The following LCLAT1 variants were observed in gnomAD, a reference collection of about 807,000 sequenced individuals.
LCLAT1 encodes 1-AGP acyltransferase 8.
A neutral mutation model predicts 30.7 loss-of-function variants in LCLAT1; 11 were observed. The ratio of observed to expected loss-of-function variants is 0.36; its 90% CI spans 0.23 to 0.59. The LOEUF (loss-of-function observed/expected upper bound fraction) is 0.59, where lower values mean the gene tolerates loss of function less well. Ranked by LOEUF, LCLAT1 falls within the 20% of genes least tolerant of loss-of-function variation. LCLAT1 has a pLI of 0.77. For missense variants in LCLAT1, 402 were observed against 458.6 expected, an observed-to-expected ratio of 0.88 and a Z score of 1.13; for synonymous variants, 155 against 151.3, an observed-to-expected ratio of 1.02 and a Z score of -0.18.
At chr2:30,483,994 T>C (rs1425666579) in intron 1 of LCLAT1, among the ~76,000 whole-genome samples, 2 of 152,190 alleles carry the variant, frequency 1.3e-5, no homozygotes, top group East Asian at 1.9e-4. Flanking sequence ...ATCCTATTTA[T>C]TTGTGAAATT....
chr2:30,513,109 T>A (rs1289367708), intron 1 of LCLAT1, among the ~76,000 whole-genome samples: 2 of 152,118 alleles, frequency 1.3e-5, no homozygotes, highest in Non-Finnish European at 2.9e-5. Context: ...ATTTTCAGTT[T>A]TTCTAATGAG....
In LCLAT1 at chr2:30,525,599, A is replaced by G. The variant is rs201524840; in HGVS notation, c.9A>G (p.Ser3=). Residue 3 remains serine, a synonymous_variant, in exon 2 of 6, where the codon TCA becomes TCG. Transcript: ENST00000379509. Reference sequence around the variant, plus strand: ...TTATATCTTTCAGAATCATGGTGTCATGGAAAGGGATTTACTTTATACTGA... The same window carrying G: ...TTATATCTTTCAGAATCATGGTGTCGTGGAAAGGGATTTACTTTATACTGA... MV[S]WKGIYFILTL... 4.3e-6 allele frequency: 7 copies of G among 1,613,270 alleles called. No individual in the cohort carries two copies. The highest frequency in any genetic ancestry group is 1.3e-5 in the African/African-American group (1 of 75,028).
chr2:30,453,083 G>A (rs1235139169), intron 1 of LCLAT1, among the ~76,000 whole-genome samples: 1 of 152,144 alleles, frequency 6.6e-6, no homozygotes, highest in Non-Finnish European at 1.5e-5. Flanking sequence ...AAAGGGAAGA[G>A]TTATGGTACC....
intron 1 of LCLAT1, among the ~76,000 whole-genome samples, chr2:30,451,243 G>A (rs896449941): frequency 6.6e-6 from 1 of 152,106 alleles, no homozygotes; most frequent in African/African-American, 2.4e-5. Context: ...TAGACCAACT[G>A]GATCTCTTAC....
chr2:30,455,571 T>C (rs1681792095), intron 1 of LCLAT1, among the ~76,000 whole-genome samples: 1 of 152,106 alleles, frequency 6.6e-6, no homozygotes, highest in Non-Finnish European at 1.5e-5. Flanking sequence ...ATGGTCACGT[T>C]ATGGCCTTCC....
intron 5 of LCLAT1, among the ~76,000 whole-genome samples, chr2:30,591,906 T>G (rs923690550): frequency 6.6e-6 from 1 of 152,214 alleles, no homozygotes; most frequent in Non-Finnish European, 1.5e-5. Context: ...AGTTAGTCAC[T>G]CCTTCCTTTG....
chr2:30,598,511 T>C (rs1197923031), intron 5 of LCLAT1, among the ~76,000 whole-genome samples: 2 of 152,062 alleles, frequency 1.3e-5, no homozygotes, highest in South Asian at 2.1e-4. Context: ...TATCATTTTG[T>C]ATTGCGTCTA....
chr2:30,514,027 C>T (rs1273317938), intron 1 of LCLAT1, among the ~76,000 whole-genome samples: 1 of 152,116 alleles, frequency 6.6e-6, no homozygotes, highest in East Asian at 1.9e-4. Flanking sequence ...TAACTGAGAC[C>T]TGTCTCAAAT....
intron 1 of LCLAT1, among the ~76,000 whole-genome samples, chr2:30,472,811 T>C (rs922138068): frequency 6.6e-6 from 1 of 152,160 alleles, no homozygotes; most frequent in African/African-American, 2.4e-5. Flanking sequence ...TCTCCACAAG[T>C]CTTGCCAGTC....
intron 3 of LCLAT1, chr2:30,552,447 T>C (rs1171341093): frequency 9.8e-6 from 4 of 409,356 alleles, no homozygotes; most frequent in Non-Finnish European, 2.0e-5. Flanking sequence ...TATGTAATTA[T>C]TACTTGCTCA....
At chr2:30,514,123 C>T (rs189214007) in intron 1 of LCLAT1, among the ~76,000 whole-genome samples, 57 of 152,308 alleles carry the variant, frequency 3.7e-4, no homozygotes, top group African/African-American at 1.3e-3. Context: ...GTCAGGGACT[C>T]GTTAATGGAA....
intron 3 of LCLAT1, 54 bp downstream of exon 3, chr2:30,533,368 C>T: frequency 7.0e-7 from 1 of 1,436,322 alleles, no homozygotes; most frequent in Non-Finnish European, 9.8e-7. Flanking sequence ...ATGTAATGCA[C>T]CCACTGTAAA....
chr2:30,567,264 G>A (rs1421343198), intron 4 of LCLAT1, among the ~76,000 whole-genome samples: 1 of 152,116 alleles, frequency 6.6e-6, no homozygotes, highest in Non-Finnish European at 1.5e-5. Flanking sequence ...TAAAAGATAT[G>A]AATATGAATT....
At chr2:30,628,161 A>AT (rs1668606391) in intron 5 of LCLAT1, among the ~76,000 whole-genome samples, 1 of 152,226 alleles carries the variant, frequency 6.6e-6, no homozygotes, top group South Asian at 2.1e-4. Context: ...ATTATGTTCT[A>AT]TTCACAATTA....
At chr2:30,478,147 C>T (rs1281094773) in intron 1 of LCLAT1, among the ~76,000 whole-genome samples, 3 of 149,042 alleles carry the variant, frequency 2.0e-5, no homozygotes, top group Admixed American at 1.3e-4. Flanking sequence ...TATGAGTTAA[C>T]ACGAGATTGG....
At chr2:30,490,387 A>T (rs1435746011) in intron 1 of LCLAT1, among the ~76,000 whole-genome samples, 1 of 151,592 alleles carries the variant, frequency 6.6e-6, no homozygotes, top group African/African-American at 2.4e-5. Flanking sequence ...TATTTTTTTT[A>T]GTAGAGACTG....
At position 30,504,681 on chromosome 2, in the gene LCLAT1, A is replaced by C. The variant is rs573960426; in HGVS notation, c.-4-20906A>C. Among the ~76,000 whole-genome samples, 3 of 152,230 alleles carry C rather than the reference A, an allele frequency of 2.0e-5. No individual in the cohort carries two copies. The South Asian group carries it at 6.2e-4, about 32-fold the overall frequency. ...AACTTACTTTGGCTACAGCTAAGCTACTTCTTTTTCCTCTCCCCTTCCTTT... is the reference window on the plus strand; with the variant it reads ...AACTTACTTTGGCTACAGCTAAGCTCCTTCTTTTTCCTCTCCCCTTCCTTT... On this transcript the variant is annotated intron_variant, in intron 1 of 5. Transcript: ENST00000379509.
At chr2:30,605,134 ATGTT>A (rs1667376931) in intron 5 of LCLAT1, among the ~76,000 whole-genome samples, 1 of 152,204 alleles carries the variant, frequency 6.6e-6, no homozygotes, top group Non-Finnish European at 1.5e-5. Context: ...AAAGACCAAA[ATGTT>A]TGTGTGTATT....
At chr2:30,608,584 T>C (rs1667580425) in intron 5 of LCLAT1, among the ~76,000 whole-genome samples, 1 of 152,086 alleles carries the variant, frequency 6.6e-6, no homozygotes, top group African/African-American at 2.4e-5. Context: ...ACCATACCTT[T>C]TCTATGTTTA....
Sources: gnomAD v4.1 joint callset for allele counts (sites outside exome capture counted in the v4.1 genomes callset) on GRCh38, gnomAD v4.1.1 for gene constraint, MANE v1.5 for transcripts, NCBI Gene and HGNC (gene_info 2026-07-23, HGNC 2026-07-21) for gene names.